The following CLDN16 variants were observed in gnomAD, a reference collection of about 807,000 sequenced individuals.
The protein encoded by CLDN16 is claudin 16.
Under a neutral mutation model 24.6 loss-of-function variants are expected in CLDN16, and 13 were observed. That is an observed-to-expected ratio of 0.53 (90% CI 0.34 to 0.84). CLDN16 has a LOEUF of 0.84. Ranked by LOEUF, CLDN16 falls within the 40% of genes least tolerant of loss-of-function variation. CLDN16 has a pLI of 0.01. For synonymous variants in CLDN16, 116 were observed against 106.7 expected, an observed-to-expected ratio of 1.09 and a Z score of -0.54; for missense variants, 298 against 292.7, an observed-to-expected ratio of 1.02 and a Z score of -0.13.
At chr3:190,374,269 T>TGTGTGTGTG (rs1491378504) in intron 2 of CLDN16, among the ~76,000 whole-genome samples, 1 of 139,300 alleles carries the variant, frequency 7.2e-6, no homozygotes, top group African/African-American at 2.7e-5. Flanking sequence ...CTGAAAAACA[T>TGTGTGTGTG]TGTGTGTGTG....
the CLDN16 span, among the ~76,000 whole-genome samples, chr3:190,304,695 T>G: frequency 0.12 from 18,611 of 152,044 alleles, 1,682 homozygotes; most frequent in East Asian, 0.5. Context: ...ATGGGGTTTT[T>G]GGGAAATGAG....
chr3:190,325,529 C>G (rs1035114859), intron 1 of CLDN16, among the ~76,000 whole-genome samples: 1 of 152,134 alleles, frequency 6.6e-6, no homozygotes, highest in African/African-American at 2.4e-5. Context: ...CAGCAAATAG[C>G]GTACTGGTTT....
Position 190,388,396 on chromosome 3 carries a change from G to A in CLDN16, c.67G>A (p.Ala23Thr), listed in dbSNP as rs1293775732. Residue 23 changes from alanine to threonine, a missense_variant, in exon 1 of 5, where the codon GCC (alanine) becomes ACC (threonine). Ala to Thr is a moderately conservative substitution (Grantham distance 58). Coordinates refer to ENST00000264734, the MANE Select transcript of CLDN16 (RefSeq NM_006580.4). ...TTTCTCTGCTGGGTTTTTGATTGTG[G>A]CCACCTGGACTGACTGTTGGATGGT... Reference protein sequence around the residue: ...AFFSAGFLIVATWTDCWMVNA... With the variant: ...AFFSAGFLIVTTWTDCWMVNA... 6.2e-7 allele frequency: 1 copy of A among 1,613,786 alleles called. No individual in the cohort carries two copies. Among genetic ancestry groups the A allele is most frequent in the African/African-American group, 1.3e-5 (1 of 74,818 alleles).
At chr3:190,409,793 C>A (rs1719225369) in intron 4 of CLDN16, 110 bp from the exon 5 acceptor site, 1 of 1,004,126 alleles carries the variant, frequency 1.0e-6, no homozygotes, top group African/African-American at 1.6e-5. Flanking sequence ...ATGATACCTT[C>A]TTTGAGTATC....
intron 1 of CLDN16, among the ~76,000 whole-genome samples, chr3:190,347,646 AAAC>A (rs1717579637): frequency 6.6e-6 from 1 of 152,234 alleles, no homozygotes. Context: ...GACAGATAAT[AAAC>A]AACAAAGATA....
upstream of CLDN16, chr3:190,388,158 GTAT>G (rs1718552903): frequency 1.2e-6 from 2 of 1,614,004 alleles, no homozygotes; most frequent in Non-Finnish European, 1.7e-6. Context: ...CAGCCTGTTT[GTAT>G]TATTCTTACT....
chr3:190,331,471 A>G (rs1267143448), intron 1 of CLDN16, among the ~76,000 whole-genome samples: 1 of 152,182 alleles, frequency 6.6e-6, no homozygotes, highest in Non-Finnish European at 1.5e-5. Context: ...GCATTGTCCA[A>G]CTTGATAGCC....
Position 190,409,892 on chromosome 3 carries a change from C to A in CLDN16, c.575-11C>A. On this transcript the variant is annotated splice_polypyrimidine_tract_variant and intron_variant, in intron 4 of 4. Coordinates refer to ENST00000264734, the MANE Select transcript of CLDN16 (RefSeq NM_006580.4). ...CTGAGTTCTACTTATTTTTATATTT[C>A]TTTCAAACAGATGTTGGACCTGAGA... is the stretch of plus-strand genomic sequence containing the variant. 1.2e-6 allele frequency: 2 copies of A among 1,613,002 alleles called. No homozygotes were observed. Among genetic ancestry groups the A allele is most frequent in the Non-Finnish European group, 1.7e-6 (2 of 1,179,152 alleles).
At chr3:190,295,760 CTCTG>C in the CLDN16 span, among the ~76,000 whole-genome samples, 23,609 of 152,034 alleles carry the variant, frequency 0.16, 2,071 homozygotes, top group African/African-American at 0.24. Flanking sequence ...TTAGTCAGGA[CTCTG>C]TCTGAACTAA....
intron 1 of CLDN16, among the ~76,000 whole-genome samples, chr3:190,390,481 C>G (rs1718620698): frequency 6.6e-6 from 1 of 152,116 alleles, no homozygotes; most frequent in African/African-American, 2.4e-5. Flanking sequence ...TTGCACTGAG[C>G]CGAGATTGTG....
intron 1 of CLDN16, among the ~76,000 whole-genome samples, chr3:190,331,672 C>T (rs73058327): frequency 0.011 from 1,719 of 152,258 alleles, 40 homozygotes; most frequent in African/African-American, 0.04. Context: ...TTTGACTACA[C>T]GGATAGTCTC....
At chr3:190,379,096 C>T (rs1718305163) in intron 3 of CLDN16, among the ~76,000 whole-genome samples, 1 of 151,964 alleles carries the variant, frequency 6.6e-6, no homozygotes, top group East Asian at 1.9e-4. Context: ...TGTTGTTGAG[C>T]CTCAGTTACA....
chr3:190,374,131 A>T (rs1057178651), intron 2 of CLDN16, among the ~76,000 whole-genome samples: 2 of 151,928 alleles, frequency 1.3e-5, no homozygotes, highest in Non-Finnish European at 2.9e-5. Context: ...TCAGTCATAG[A>T]AAGGTTTTGG....
the CLDN16 span, among the ~76,000 whole-genome samples, chr3:190,316,266 C>G: frequency 6.6e-6 from 1 of 152,160 alleles, no homozygotes; most frequent in Non-Finnish European, 1.5e-5. Context: ...AATATTTTCA[C>G]TTACATCCTG....
At chr3:190,302,860 T>C in the CLDN16 span, among the ~76,000 whole-genome samples, 86,235 of 149,650 alleles carry the variant, frequency 0.58, 25,547 homozygotes, top group African/African-American at 0.71. Flanking sequence ...TACCATATAC[T>C]GAAATGGAAA....
At chr3:190,380,265 C>CCTTCCTTCCTTCCTTCCTTCCTTCCTTT (rs1560091568) in intron 3 of CLDN16, among the ~76,000 whole-genome samples, 1 of 125,104 alleles carries the variant, frequency 8.0e-6, no homozygotes. Flanking sequence ...TTTCTTCCTT[C>CCTTCCTTCCTTCCTTCCTTCCTTCCTTT]CTTCCTTCTG....
At chr3:190,322,924 C>T (rs1311195624) in intron 1 of CLDN16, among the ~76,000 whole-genome samples, 1 of 151,646 alleles carries the variant, frequency 6.6e-6, no homozygotes, top group Non-Finnish European at 1.5e-5. Flanking sequence ...AAGGTCGTTC[C>T]ATCACTTGTC....
chr3:190,377,959 A>C (rs1349144981), intron 3 of CLDN16, among the ~76,000 whole-genome samples: 1 of 151,948 alleles, frequency 6.6e-6, no homozygotes, highest in Non-Finnish European at 1.5e-5. Flanking sequence ...AATCTAGCAG[A>C]GAAAGATATG....
chr3:190,387,070 A>G (rs1718519061), upstream of CLDN16, among the ~76,000 whole-genome samples: 1 of 151,890 alleles, frequency 6.6e-6, no homozygotes, highest in African/African-American at 2.4e-5. Context: ...CTCCCTCCCA[A>G]TTTCTTTCTC....
Sources: allele counts gnomAD v4.1 joint callset (sites outside exome capture counted in the v4.1 genomes callset), GRCh38; gene constraint gnomAD v4.1.1; transcripts MANE v1.5; gene names NCBI Gene and HGNC (gene_info 2026-07-23, HGNC 2026-07-21).